DENND1A: variants seen among roughly 807,000 people sequenced by gnomAD.
DENND1A encodes the protein DENN domain containing 1A.
DENND1A carries 51 observed loss-of-function variants against 113.7 expected under a neutral mutation model. The ratio of observed to expected loss-of-function variants is 0.45; its 90% CI spans 0.36 to 0.57. The LOEUF is 0.57. Ranked by LOEUF, DENND1A falls within the 20% of genes least tolerant of loss-of-function variation. The pLI is 0.00. For synonymous variants in DENND1A, 565 were observed against 570.8 expected (o/e 0.99, Z 0.14); for missense variants, 1,258 against 1,395.9 (o/e 0.90, Z 1.57).
At chr9:123,439,345 G>C (rs1036988256) in intron 19 of DENND1A, among the ~76,000 whole-genome samples, 2 of 152,216 alleles carry the variant, frequency 1.3e-5, no homozygotes, top group Admixed American at 6.5e-5. Flanking sequence ...TTAGAGAAGA[G>C]TGACTTTTAT....
intron 5 of DENND1A, among the ~76,000 whole-genome samples, chr9:123,728,506 A>AACAAAAAAAC (rs2067909310): frequency 6.9e-6 from 1 of 145,814 alleles, no homozygotes; most frequent in African/African-American, 2.7e-5. Flanking sequence ...AAAAAAAAAA[A>AACAAAAAAAC]AAAACAGGCA....
intron 1 of DENND1A, among the ~76,000 whole-genome samples, chr9:123,923,291 A>G (rs1375554216): frequency 1.3e-5 from 2 of 152,204 alleles, no homozygotes; most frequent in Non-Finnish European, 2.9e-5. Context: ...GTTTTCCAGA[A>G]AAGTCATGAA....
intron 3 of DENND1A, among the ~76,000 whole-genome samples, chr9:123,782,699 C>A (rs952216549): frequency 6.6e-6 from 1 of 152,152 alleles, no homozygotes; most frequent in Non-Finnish European, 1.5e-5. Flanking sequence ...TTTTGAAAAA[C>A]CAATTAGTAT....
intron 13 of DENND1A, among the ~76,000 whole-genome samples, chr9:123,486,594 T>C (rs755142954): frequency 5.3e-5 from 8 of 152,122 alleles, no homozygotes; most frequent in Non-Finnish European, 8.8e-5. Context: ...TCTTGGAAAG[T>C]TGGCACCAAC....
rs369078427 is a variant in DENND1A at position 123,458,962 on chromosome 9, AAAAC to A, written c.994-1069_994-1066del. Among the ~76,000 whole-genome samples the A allele has an allele frequency of 1.2e-3, 179 of 152,208 alleles. 1 individual carries two copies. In the East Asian group the frequency reaches 0.027, roughly 23 times the overall value. On this transcript the variant is annotated intron_variant, in intron 13 of 23. Coordinates refer to ENST00000394215, the MANE Select transcript of DENND1A (RefSeq NM_001352964.2). ...GGCAATAAGAGCAAAACTCCGTCTC[AAAAC>A]AAACAAACAAACAAACAAAAAAACA...
intron 13 of DENND1A, among the ~76,000 whole-genome samples, chr9:123,543,618 A>G (rs1284784611): frequency 6.6e-6 from 1 of 152,138 alleles, no homozygotes; most frequent in Admixed American, 6.5e-5. Flanking sequence ...GGGCACTCAC[A>G]GTACCCGACC....
At chr9:123,458,004 C>CA in intron 13 of DENND1A, 107 bp from the exon 14 acceptor site, 13 of 567,832 alleles carry the variant, frequency 2.3e-5, no homozygotes, top group Non-Finnish European at 3.5e-5. Context: ...TTTTCTTTTC[C>CA]TTTTTTTTTT....
chr9:123,386,078 G>T (rs1417843092), intron 22 of DENND1A, among the ~76,000 whole-genome samples: 1 of 152,186 alleles, frequency 6.6e-6, no homozygotes, highest in African/African-American at 2.4e-5. Flanking sequence ...ACGATATGAT[G>T]GAGCTGGGCC....
intron 1 of DENND1A, among the ~76,000 whole-genome samples, chr9:123,887,329 T>C (rs748812449): frequency 1.3e-5 from 2 of 152,074 alleles, no homozygotes; most frequent in Non-Finnish European, 2.9e-5. Flanking sequence ...GGTGTCCCTA[T>C]GAAGGGGCAA....
intron 5 of DENND1A, among the ~76,000 whole-genome samples, chr9:123,692,860 AGCTC>A (rs895408196): frequency 6.6e-6 from 1 of 152,192 alleles, no homozygotes; most frequent in Non-Finnish European, 1.5e-5. Context: ...CTGGTACCTT[AGCTC>A]CATCAGGCAT....
intron 5 of DENND1A, among the ~76,000 whole-genome samples, chr9:123,742,162 A>G (rs2131111700): frequency 6.6e-6 from 1 of 152,066 alleles, no homozygotes; most frequent in South Asian, 2.1e-4. Flanking sequence ...GTCAATTCCA[A>G]TTGCGTTTAG....
chr9:123,653,038 G>A (rs1409484282), intron 8 of DENND1A, among the ~76,000 whole-genome samples: 1 of 152,180 alleles, frequency 6.6e-6, no homozygotes, highest in Non-Finnish European at 1.5e-5. Flanking sequence ...AATGAAAGGG[G>A]TTTGGGAGGG....
chr9:123,605,790 A>G (rs531924083), intron 11 of DENND1A, among the ~76,000 whole-genome samples: 1 of 152,354 alleles, frequency 6.6e-6, no homozygotes, highest in East Asian at 1.9e-4. Flanking sequence ...CTTTTTGTGC[A>G]ACAAATTTGA....
intron 1 of DENND1A, among the ~76,000 whole-genome samples, chr9:123,899,200 T>C (rs540901424): frequency 4.6e-5 from 7 of 152,286 alleles, no homozygotes; most frequent in East Asian, 1.9e-4. Context: ...GCACTGTGCT[T>C]CTCTTCTGTC....
intron 1 of DENND1A, among the ~76,000 whole-genome samples, chr9:123,904,969 T>C (rs1467427280): frequency 6.6e-6 from 1 of 152,222 alleles, no homozygotes; most frequent in Non-Finnish European, 1.5e-5. Flanking sequence ...AAGGTCGGGT[T>C]ACCCTCAAAG....
chr9:123,792,822 AAAAAAG>A (rs1449651286), intron 2 of DENND1A, among the ~76,000 whole-genome samples, 192 bp from the exon 3 acceptor site: 1 of 152,196 alleles, frequency 6.6e-6, no homozygotes, highest in Admixed American at 6.5e-5. Context: ...CCAGAAATAT[AAAAAAG>A]AAAAATTTTA....
intron 4 of DENND1A, among the ~76,000 whole-genome samples, chr9:123,762,143 G>T (rs1031268179): frequency 2.0e-5 from 3 of 152,098 alleles, no homozygotes; most frequent in African/African-American, 7.2e-5. Flanking sequence ...ATCCTCCCTG[G>T]GAAGCTTTCA....
At chr9:123,475,186 T>C (rs2049802141) in intron 13 of DENND1A, among the ~76,000 whole-genome samples, 1 of 152,084 alleles carries the variant, frequency 6.6e-6, no homozygotes, top group Admixed American at 6.5e-5. Flanking sequence ...GCCCGGCTAA[T>C]TTTTGTATTT....
intron 8 of DENND1A, 73 bp from the exon 9 acceptor site, chr9:123,652,196 A>G: frequency 8.1e-7 from 1 of 1,228,856 alleles, no homozygotes; most frequent in South Asian, 1.3e-5. Context: ...TAATAAGAGC[A>G]TAAGAAACAT....
Sources: allele counts gnomAD v4.1 joint callset (sites outside exome capture counted in the v4.1 genomes callset), GRCh38; gene constraint gnomAD v4.1.1; transcripts MANE v1.5; gene names NCBI Gene and HGNC (gene_info 2026-07-23, HGNC 2026-07-21).